GALNTL6: variants seen among roughly 807,000 people sequenced by gnomAD.
The protein encoded by GALNTL6 is polypeptide N-acetylgalactosaminyltransferase-like 6.
In GALNTL6, 46 loss-of-function variants were observed where a neutral mutation model predicts 73.7. The ratio of observed to expected loss-of-function variants is 0.62; its 90% CI spans 0.49 to 0.80. GALNTL6 has a LOEUF of 0.80. Among genes scored for constraint, GALNTL6 ranks in the 30% least tolerant of loss-of-function variants. The probability of loss-of-function intolerance (pLI) is 0.00; values close to 1 mark genes in which losing one functional copy is unlikely to be tolerated. For synonymous variants in GALNTL6, 259 were observed against 263.7 expected, an observed-to-expected ratio of 0.98 and a Z score of 0.17; for missense variants, 604 against 755.0, an observed-to-expected ratio of 0.80 and a Z score of 2.34.
intron 5 of GALNTL6, among the ~76,000 whole-genome samples, chr4:172,492,559 C>G (rs916023141): frequency 9.2e-5 from 14 of 152,080 alleles, no homozygotes; most frequent in Non-Finnish European, 1.6e-4. Context: ...ATTTTTGTTT[C>G]AAATCCAAAT....
intron 5 of GALNTL6, among the ~76,000 whole-genome samples, chr4:172,769,124 G>T (rs1335501641): frequency 1.3e-5 from 2 of 152,044 alleles, no homozygotes; most frequent in South Asian, 4.1e-4. Context: ...GAATCCAAAT[G>T]TATTTTGGAA....
chr4:172,247,474 C>T (rs1737701798), intron 3 of GALNTL6, among the ~76,000 whole-genome samples: 1 of 152,196 alleles, frequency 6.6e-6, no homozygotes, highest in South Asian at 2.1e-4. Flanking sequence ...GAGCCTCATA[C>T]AAAACAGCTC....
chr4:172,908,512 T>C (rs902388341), intron 8 of GALNTL6, among the ~76,000 whole-genome samples: 25 of 151,918 alleles, frequency 1.6e-4, no homozygotes, highest in African/African-American at 6.0e-4. Context: ...TATTAGGTAA[T>C]ATGACCTGCC....
At chr4:172,494,565 T>C (rs976906740) in intron 5 of GALNTL6, among the ~76,000 whole-genome samples, 4 of 152,192 alleles carry the variant, frequency 2.6e-5, no homozygotes, top group Non-Finnish European at 4.4e-5. Context: ...ATAGGCCTTC[T>C]GCAAACTGGG....
chr4:171,945,783 C>G (rs1315839579), intron 2 of GALNTL6, among the ~76,000 whole-genome samples: 5 of 152,044 alleles, frequency 3.3e-5, no homozygotes, highest in Admixed American at 1.3e-4. Context: ...GTTTTTCAGT[C>G]TGGCTTTTGA....
intron 7 of GALNTL6, among the ~76,000 whole-genome samples, chr4:172,878,878 A>G (rs189649920): frequency 6.6e-6 from 1 of 152,004 alleles, no homozygotes; most frequent in African/African-American, 2.4e-5. Flanking sequence ...AAGCATAAAG[A>G]CACAAATAGT....
chr4:172,694,517 T>C (rs1170866063), intron 5 of GALNTL6, among the ~76,000 whole-genome samples: 1 of 152,234 alleles, frequency 6.6e-6, no homozygotes, highest in Non-Finnish European at 1.5e-5. Flanking sequence ...GGTGTATATA[T>C]GCCACATTGT....
intron 2 of GALNTL6, among the ~76,000 whole-genome samples, chr4:172,190,617 T>C (rs1312336234): frequency 6.6e-6 from 1 of 152,076 alleles, no homozygotes; most frequent in African/African-American, 2.4e-5. Context: ...TAGCTAAGCC[T>C]GAGAGGCATG....
At chr4:171,863,420 G>A (rs763566081) in intron 2 of GALNTL6, among the ~76,000 whole-genome samples, 9 of 152,150 alleles carry the variant, frequency 5.9e-5, no homozygotes, top group Non-Finnish European at 1.2e-4. Context: ...ATTTCTGAAA[G>A]AAGCTAACTT....
At chr4:171,964,116 T>G (rs188940441) in intron 2 of GALNTL6, among the ~76,000 whole-genome samples, 13 of 152,310 alleles carry the variant, frequency 8.5e-5, no homozygotes, top group Non-Finnish European at 1.6e-4. Flanking sequence ...GTGGAAATTT[T>G]GGCTCTGAGA....
At chr4:172,960,583 G>T (rs1286468582) in intron 10 of GALNTL6, among the ~76,000 whole-genome samples, 1 of 152,034 alleles carries the variant, frequency 6.6e-6, no homozygotes, top group East Asian at 1.9e-4. Flanking sequence ...AGGAAGATTT[G>T]GGATAAGTCG....
intron 12 of GALNTL6, among the ~76,000 whole-genome samples, chr4:173,031,628 AAGAG>A (rs1049128872): frequency 1.1e-4 from 17 of 151,798 alleles, no homozygotes; most frequent in Non-Finnish European, 1.8e-4. Context: ...GGAAAAAAAA[AAGAG>A]AGAGAGAGAG....
chr4:172,110,198 G>A (rs1732813201), intron 2 of GALNTL6, among the ~76,000 whole-genome samples: 2 of 152,056 alleles, frequency 1.3e-5, no homozygotes, highest in Non-Finnish European at 2.9e-5. Context: ...TTATGAGATG[G>A]GCTCAATGTT....
chr4:172,728,884 G>C (rs56724092), intron 5 of GALNTL6, among the ~76,000 whole-genome samples: 1 of 152,140 alleles, frequency 6.6e-6, no homozygotes, highest in East Asian at 1.9e-4. Context: ...GCCAACATCT[G>C]TTGTTGCCTG....
chr4:172,115,954 C>T (rs1732973007), intron 2 of GALNTL6, among the ~76,000 whole-genome samples: 1 of 151,714 alleles, frequency 6.6e-6, no homozygotes, highest in Non-Finnish European at 1.5e-5. Context: ...TTAGCTCTTA[C>T]AGACAAAATT....
intron 3 of GALNTL6, among the ~76,000 whole-genome samples, chr4:172,269,940 G>T (rs1424427265): frequency 6.6e-6 from 1 of 151,976 alleles, no homozygotes. Flanking sequence ...ATTTTTAGTA[G>T]AGACGGTTTC....
intron 5 of GALNTL6, among the ~76,000 whole-genome samples, chr4:172,372,797 C>A (rs1000536746): frequency 2.6e-5 from 4 of 152,086 alleles, no homozygotes; most frequent in African/African-American, 4.8e-5. Flanking sequence ...CTGGCTATCT[C>A]GCTGTATCCG....
At chr4:172,881,081 C>A (rs764979755) in intron 7 of GALNTL6, among the ~76,000 whole-genome samples, 1 of 152,102 alleles carries the variant, frequency 6.6e-6, no homozygotes, top group Non-Finnish European at 1.5e-5. Flanking sequence ...GACTTGGGAC[C>A]TTTCTATTTG....
chr4:171,887,151 C>A (rs771908173), intron 2 of GALNTL6, among the ~76,000 whole-genome samples: 7 of 152,152 alleles, frequency 4.6e-5, no homozygotes, highest in Non-Finnish European at 8.8e-5. Context: ...GGCAAGAGAG[C>A]AAACTCTCCA....
Sources: allele counts gnomAD v4.1 joint callset (sites outside exome capture counted in the v4.1 genomes callset), GRCh38; gene constraint gnomAD v4.1.1; transcripts MANE v1.5; gene names NCBI Gene and HGNC (gene_info 2026-07-23, HGNC 2026-07-21).